Variants in CHST11 observed in about 807,000 individuals in gnomAD.
The protein encoded by CHST11 is carbohydrate sulfotransferase 11.
CHST11 carries 9 observed loss-of-function variants against 30.4 expected under a neutral mutation model. The observed-to-expected ratio is 0.30, with a 90% CI of 0.18 to 0.52. The LOEUF (loss-of-function observed/expected upper bound fraction) is 0.52. Ranked by LOEUF, CHST11 falls within the 20% of genes least tolerant of loss-of-function variation. The pLI, the probability that CHST11 is intolerant of heterozygous loss-of-function variation, is 0.97. For synonymous variants in CHST11, 152 were observed against 187.8 expected (o/e 0.81, Z 1.56); for missense variants, 348 against 460.6 (o/e 0.76, Z 2.24).
intron 2 of CHST11, among the ~76,000 whole-genome samples, chr12:104,716,952 C>T (rs995966789): frequency 6.6e-6 from 1 of 152,224 alleles, no homozygotes; most frequent in African/African-American, 2.4e-5. Flanking sequence ...GGGCCACCTT[C>T]ATTCCTTGGC....
In CHST11 at chr12:104,759,882, T is replaced by A. The variant is rs1161954835; in HGVS notation, c.*2079T>A. 6.6e-6 allele frequency: 1 copy of A among 152,250 alleles called. No individual in the cohort carries two copies. The highest frequency in any genetic ancestry group is 1.5e-5 in the Non-Finnish European group (1 of 68,054). The allele number at this position is 152,250 out of a possible 1,614,324, so 9.4% of individuals were successfully genotyped here. A position where few individuals can be genotyped will look rare whatever the true frequency, so the allele number is the denominator to read the frequency against. ...TATTTCCAGGCAGAGAACACTGTCC[T>A]CAGAAATGGGACTTCTGATAATGAA... On this transcript the variant is annotated 3_prime_UTR_variant, in exon 3 of 3. Transcript: ENST00000303694.
chr12:104,472,221 C>G (rs2037517415), intron 1 of CHST11, among the ~76,000 whole-genome samples: 1 of 151,658 alleles, frequency 6.6e-6, no homozygotes, highest in Non-Finnish European at 1.5e-5. Flanking sequence ...GGGATCTTGC[C>G]TCAGCCTCCT....
At chr12:104,609,338 C>T (rs575972047) in intron 2 of CHST11, among the ~76,000 whole-genome samples, 3 of 152,338 alleles carry the variant, frequency 2.0e-5, no homozygotes, top group African/African-American at 7.2e-5. Flanking sequence ...TGAAATATTA[C>T]ATTAACCTGA....
chr12:104,612,967 A>G (rs1375285058), intron 2 of CHST11, among the ~76,000 whole-genome samples: 2 of 152,176 alleles, frequency 1.3e-5, no homozygotes, highest in Non-Finnish European at 2.9e-5. Flanking sequence ...CATGCCTGTA[A>G]TCCCAGCACT....
intron 2 of CHST11, among the ~76,000 whole-genome samples, chr12:104,637,292 T>G: frequency 1.2e-5 from 1 of 80,784 alleles, no homozygotes; most frequent in Admixed American, 2.0e-4. Context: ...GCCATGGGAG[T>G]GAGACCCTGT....
chr12:104,582,240 AG>A (rs2038753151), intron 1 of CHST11, among the ~76,000 whole-genome samples: 1 of 152,130 alleles, frequency 6.6e-6, no homozygotes, highest in Non-Finnish European at 1.5e-5. Context: ...ACTGAGATGC[AG>A]GGGGTTAAGA....
intron 2 of CHST11, among the ~76,000 whole-genome samples, chr12:104,667,563 C>T (rs748415563): frequency 8.5e-5 from 13 of 152,316 alleles, no homozygotes; most frequent in Admixed American, 3.3e-4. Context: ...TGGTTTTAGA[C>T]GAGTGGTCCT....
intron 1 of CHST11, among the ~76,000 whole-genome samples, chr12:104,495,754 A>T (rs570195579): frequency 1.6e-4 from 25 of 152,318 alleles, no homozygotes; most frequent in African/African-American, 5.8e-4. Flanking sequence ...TGGAGAATGT[A>T]AGGAACTCAT....
chr12:104,470,767 G>C (rs2037501266), intron 1 of CHST11, among the ~76,000 whole-genome samples: 1 of 152,314 alleles, frequency 6.6e-6, no homozygotes, highest in Admixed American at 6.5e-5. Context: ...AGGTGAAGGA[G>C]CCTGCCTAAT....
At chr12:104,691,545 T>A (rs1246380714) in intron 2 of CHST11, among the ~76,000 whole-genome samples, 1 of 149,752 alleles carries the variant, frequency 6.7e-6, no homozygotes, top group Non-Finnish European at 1.5e-5. Context: ...TGGAGTGCAG[T>A]GGTGTGATCT....
At chr12:104,691,302 GC>G (rs1413523463) in intron 2 of CHST11, among the ~76,000 whole-genome samples, 1 of 152,170 alleles carries the variant, frequency 6.6e-6, no homozygotes, top group African/African-American at 2.4e-5. Context: ...AGGGAAGGGT[GC>G]CTAGAGAGGG....
At chr12:104,674,045 C>T (rs2039718859) in intron 2 of CHST11, among the ~76,000 whole-genome samples, 1 of 152,230 alleles carries the variant, frequency 6.6e-6, no homozygotes, top group South Asian at 2.1e-4. Context: ...CGATTTCCTC[C>T]CCTGAGTCTG....
chr12:104,665,361 T>A (rs1240806544), intron 2 of CHST11, among the ~76,000 whole-genome samples: 4 of 151,908 alleles, frequency 2.6e-5, no homozygotes, highest in Non-Finnish European at 5.9e-5. Flanking sequence ...AAGAAGAGAG[T>A]CTAGTCTTAA....
intron 2 of CHST11, among the ~76,000 whole-genome samples, chr12:104,643,649 C>T (rs866585053): frequency 2.0e-5 from 3 of 152,032 alleles, no homozygotes; most frequent in African/African-American, 7.3e-5. Context: ...CACACACACA[C>T]ACACACACAA....
At chr12:104,684,256 G>GTGGATGGATGGATGGATGGA (rs71069772) in intron 2 of CHST11, among the ~76,000 whole-genome samples, 2 of 147,928 alleles carry the variant, frequency 1.4e-5, no homozygotes, top group East Asian at 2.0e-4. Flanking sequence ...GGTACAAAAT[G>GTGGATGGATGGATGGATGGA]TGGATGGATG....
intron 2 of CHST11, among the ~76,000 whole-genome samples, chr12:104,717,086 G>A (rs1425833862): frequency 6.6e-6 from 1 of 152,130 alleles, no homozygotes; most frequent in Non-Finnish European, 1.5e-5. Flanking sequence ...GATTACACAG[G>A]ACCCACCCAC....
chr12:104,476,292 T>C (rs922270446), intron 1 of CHST11, among the ~76,000 whole-genome samples: 2 of 150,502 alleles, frequency 1.3e-5, no homozygotes, highest in Admixed American at 1.3e-4. Context: ...TATATACACA[T>C]ATGTGAATAA....
chr12:104,458,192 C>CA lies in CHST11; in HGVS notation c.118+664dup, dbSNP rs2037374059. Among the ~76,000 whole-genome samples the CA allele has an allele frequency of 6.6e-6, 1 of 152,102 alleles. No individual in the cohort carries two copies. The highest frequency in any genetic ancestry group is 6.5e-5 in the Admixed American group (1 of 15,276). Reference sequence around the variant, plus strand: ...CGTTTGCCCCCGGGGTCCGGCTCCGCAGTGACCTTGCGGCTGGTGCCCCGG... The same window carrying CA: ...CGTTTGCCCCCGGGGTCCGGCTCCGCAAGTGACCTTGCGGCTGGTGCCCCGG... On this transcript the variant is annotated intron_variant, in intron 1 of 2. Coordinates refer to ENST00000303694, the MANE Select transcript of CHST11 (RefSeq NM_018413.6). This position sits in a 1 kb window ranked among gnomAD's most constrained non-coding sequence, Gnocchi z 5.7.
intron 1 of CHST11, among the ~76,000 whole-genome samples, chr12:104,586,479 A>T (rs1374461892): frequency 2.0e-5 from 3 of 152,186 alleles, no homozygotes; most frequent in Non-Finnish European, 4.4e-5. Context: ...ACTCAAGGGG[A>T]GGAGGCAGGT....
Sources: allele counts gnomAD v4.1 joint callset (sites outside exome capture counted in the v4.1 genomes callset), GRCh38; gene constraint gnomAD v4.1.1; non-coding constraint Gnocchi (gnomAD v3.1); transcripts MANE v1.5; gene names NCBI Gene and HGNC (gene_info 2026-07-23, HGNC 2026-07-21).